TSPO: variants seen among roughly 807,000 people sequenced by gnomAD.
TSPO encodes the protein translocator protein.
Under a neutral mutation model 13.9 loss-of-function variants are expected in TSPO, and 14 were observed. The ratio of observed to expected loss-of-function variants is 1.01; its 90% CI spans 0.67 to 1.58. TSPO has a LOEUF of 1.58. Ranked by LOEUF, TSPO falls within the 40% of genes most tolerant of loss-of-function variation. The pLI, the probability that TSPO is intolerant of heterozygous loss-of-function variation, is 0.00. For missense variants in TSPO, 232 were observed against 229.6 expected (o/e 1.01, Z -0.07); for synonymous variants, 114 against 105.9 (o/e 1.08, Z -0.47).
At chr22:43,155,988 T>G (rs952831033) in intron 1 of TSPO, among the ~76,000 whole-genome samples, 1 of 152,218 alleles carries the variant, frequency 6.6e-6, no homozygotes, top group Admixed American at 6.5e-5. Context: ...ATTCAGGAGC[T>G]GGGCAGTTCC....
At chr22:43,153,952 C>T (rs1192835048) in intron 1 of TSPO, among the ~76,000 whole-genome samples, 5 of 152,008 alleles carry the variant, frequency 3.3e-5, no homozygotes, top group Admixed American at 6.6e-5. Flanking sequence ...CCATGTCGGC[C>T]AGGCTGTTTC....
In TSPO at chr22:43,159,347, C is replaced by G. The variant is rs1440528631; in HGVS notation, c.109C>G (p.Leu37Val). Residue 37 changes from leucine to valine, a missense_variant, in exon 2 of 4, where the codon CTG becomes GTG. By Grantham distance (32) the Leu-to-Val change is conservative. Transcript: ENST00000337554. The stretch of plus-strand genomic sequence containing the variant: ...CGAGGGTCTCCGCTGGTACGCCGGC[C>G]TGCAGAAGCCCTCGTGGCACCCGCC... The part of the protein sequence containing the change: ...HGEGLRWYAG[L>V]QKPSWHPPHW... 1 of 1,547,458 alleles carries G rather than the reference C, an allele frequency of 6.5e-7. No homozygotes were observed. Among genetic ancestry groups the G allele is most frequent in the South Asian group, 1.2e-5 (1 of 83,852 alleles).
chr22:43,161,599 T>C (rs1258271811), intron 3 of TSPO, among the ~76,000 whole-genome samples: 1 of 152,026 alleles, frequency 6.6e-6, no homozygotes, highest in Non-Finnish European at 1.5e-5. Context: ...GTGATTCCCT[T>C]GCCTCAGCCT....
rs1006815464 is a variant in TSPO, at chr22:43,162,931, C to T, written c.450C>T (p.Leu150=). 7 of 1,599,000 alleles carry T rather than the reference C, an allele frequency of 4.4e-6. No individual in the cohort carries two copies. Among genetic ancestry groups the T allele is most frequent in the Non-Finnish European group, 6.0e-6 (7 of 1,173,112 alleles). Residue 150 remains leucine (L), a synonymous_variant, in exon 4 of 4, where the codon CTC becomes CTT. Transcript: ENST00000337554. The part of the protein sequence containing the change: ...YLAWLAFTTT[L]NYCVWRDNHG... ...CCTGGCTGGCCTTCACGACCACACT[C>T]AACTACTGCGTATGGCGGGACAACC... is the stretch of plus-strand genomic sequence containing the variant.
chr22:43,156,019 C>T (rs1293683519), intron 1 of TSPO, among the ~76,000 whole-genome samples: 1 of 152,228 alleles, frequency 6.6e-6, no homozygotes, highest in Admixed American at 6.5e-5. Context: ...TAGGAAACTC[C>T]CCGCCCCCGA....
At position 43,163,029 on chromosome 22, in the gene TSPO, G is replaced by A. The variant is rs1359390638; in HGVS notation, c.*38G>A. 3.8e-6 allele frequency: 6 copies of A among 1,573,848 alleles called. No individual in the cohort carries two copies. Among genetic ancestry groups the A allele is most frequent in the Non-Finnish European group, 5.2e-6 (6 of 1,160,098 alleles). ...CCAGGGACTGCAGCTGCACCAGCAG[G>A]TGCCATCACGCTTGTGATGTGGTGG... On this transcript the variant is annotated 3_prime_UTR_variant, in exon 4 of 4. Transcript: ENST00000337554.
At chr22:43,159,505 G>A (rs1931365161) in intron 2 of TSPO, 85 bp downstream of exon 2, 8 of 1,307,886 alleles carry the variant, frequency 6.1e-6, no homozygotes, top group South Asian at 1.8e-5. Context: ...TTCTCCAGGC[G>A]GGCCATGGAC....
chr22:43,156,064 G>C (rs1163334287), intron 1 of TSPO, among the ~76,000 whole-genome samples: 1 of 152,254 alleles, frequency 6.6e-6, no homozygotes, highest in Non-Finnish European at 1.5e-5. Flanking sequence ...CTGACCGCCT[G>C]TTTTCTGGTG....
chr22:43,159,885 T>G lies in TSPO; in HGVS notation c.182+465T>G, dbSNP rs9333337. On this transcript the variant is annotated intron_variant, in intron 2 of 3. Transcript: ENST00000337554. ...CCCCCCACAGCCCCTTCAGGCTCAG[T>G]CTGGCCTGAGTCCCCTGGGAATAGA... Among the ~76,000 whole-genome samples the G allele has an allele frequency of 8.8e-3, 1,346 of 152,196 alleles. 16 individuals carry two copies. Among genetic ancestry groups the G allele is most frequent in the Middle Eastern group, 0.037 (11 of 294 alleles).
intron 1 of TSPO, among the ~76,000 whole-genome samples, chr22:43,155,228 C>T (rs6003079): frequency 6.6e-6 from 1 of 152,126 alleles, no homozygotes; most frequent in Non-Finnish European, 1.5e-5. Context: ...CCATGGAGGC[C>T]GAGTGGGCCG....
intron 1 of TSPO, among the ~76,000 whole-genome samples, chr22:43,158,473 C>G (rs771074121): frequency 2.0e-4 from 30 of 152,036 alleles, no homozygotes; most frequent in Non-Finnish European, 3.8e-4. Context: ...GGAGCTTAGC[C>G]CTTTGTTTTT....
chr22:43,161,190 GGTAA>G lies in TSPO; in HGVS notation c.321+3_321+6del. On this transcript the variant is annotated splice_donor_variant and splice_donor_region_variant and intron_variant, in intron 3 of 3. Transcript: ENST00000337554. LOFTEE classifies it high-confidence loss of function. ...TCTTTGGTGCCCGACAAATGGGCTG[GGTAA>G]GTGTGGCCACAGCATGTGTCCCTGA... The G allele has an allele frequency of 6.2e-7, 1 of 1,611,358 alleles. No homozygotes were observed. Among genetic ancestry groups the G allele is most frequent in the Non-Finnish European group, 8.5e-7 (1 of 1,178,298 alleles).
chr22:43,161,093 C>G lies in TSPO; in HGVS notation c.224C>G (p.Thr75Arg). The G allele has an allele frequency of 6.2e-7, 1 of 1,614,152 alleles. No individual in the cohort carries two copies. The highest frequency in any genetic ancestry group is 8.5e-7 in the Non-Finnish European group (1 of 1,179,994). Residue 75 changes from threonine (T) to arginine (R), a missense_variant, in exon 3 of 4, where the codon ACA becomes AGA. Thr to Arg is a moderately conservative substitution (Grantham distance 71). Transcript: ENST00000337554. The stretch of plus-strand genomic sequence containing the variant: ...GTCTGGAAAGAGCTGGGAGGCTTCA[C>G]AGAGAAGGCTGTGGTTCCCCTGGGC... Reference protein sequence around the residue: ...YLVWKELGGFTEKAVVPLGLY... With the variant: ...YLVWKELGGFREKAVVPLGLY...
At position 43,162,984 on chromosome 22, in the gene TSPO, CAG is replaced by C; in HGVS notation, c.506_507del (p.Glu169ValfsTer28). ...GGCTGGCGTGGGGGACGGCGGCTGC[CAG>C]AGTGAGTGCCCGGCCCACCAGGGAC... On this transcript the variant is annotated frameshift_variant, in exon 4 of 4. Coordinates refer to ENST00000337554, the MANE Select transcript of TSPO (RefSeq NM_000714.6). LOFTEE classifies it high-confidence loss of function. 6.3e-7 allele frequency: 1 copy of C among 1,582,574 alleles called. No individual in the cohort carries two copies. Among genetic ancestry groups the C allele is most frequent in the Middle Eastern group, 1.7e-4 (1 of 6,020 alleles).
At chr22:43,159,545 C>T in intron 2 of TSPO, 125 bp downstream of exon 2, 1 of 1,080,134 alleles carries the variant, frequency 9.3e-7, no homozygotes, top group Non-Finnish European at 1.2e-6. Context: ...CCCCATTTGG[C>T]AAGCCAGGGT....
rs1299796567 is a variant in TSPO, at chr22:43,153,512, C to T, written c.-30+1908C>T. Among the ~76,000 whole-genome samples, 4 of 79,408 alleles carry T rather than the reference C, an allele frequency of 5.0e-5. 1 individual carries two copies. The highest frequency in any genetic ancestry group is 1.3e-4 in the Admixed American group (1 of 7,800). 52.1% of individuals were successfully genotyped at this position (79,408 alleles called of 152,430 possible). A position where few individuals can be genotyped will look rare whatever the true frequency, so the allele number is the denominator to read the frequency against. Reference sequence around the variant, plus strand: ...GACTACAGGCGCCTGCCACCGCGCCCGGCTAATTTTTTGTATTTTTAGTAG... The same window carrying T: ...GACTACAGGCGCCTGCCACCGCGCCTGGCTAATTTTTTGTATTTTTAGTAG... On this transcript the variant is annotated intron_variant, in intron 1 of 3. Transcript: ENST00000337554.
chr22:43,162,411 T>C (rs1931470758), intron 3 of TSPO, among the ~76,000 whole-genome samples: 1 of 152,218 alleles, frequency 6.6e-6, no homozygotes, highest in South Asian at 2.1e-4. Context: ...CGTGAGCCAC[T>C]GCACCTGACA....
rs184325284 is a variant in TSPO at position 43,154,251 on chromosome 22, C to G, written c.-30+2647C>G. ...GACAGTGCTGGCTTCGTTGGAGAGA[C>G]AAGGCTCAGGGGAGTGGGTGCAGCT... is the stretch of plus-strand genomic sequence containing the variant. On this transcript the variant is annotated intron_variant, in intron 1 of 3. Coordinates refer to ENST00000337554, the MANE Select transcript of TSPO (RefSeq NM_000714.6). 4.4e-3 allele frequency among the ~76,000 whole-genome samples: 669 copies of G among 152,098 alleles called. 6 individuals carry two copies. The highest frequency in any genetic ancestry group is 0.015 in the African/African-American group (637 of 41,484).
At chr22:43,160,354 G>C (rs1931396384) in intron 2 of TSPO, among the ~76,000 whole-genome samples, 1 of 152,190 alleles carries the variant, frequency 6.6e-6, no homozygotes, top group South Asian at 2.1e-4. Flanking sequence ...GGCCCTGGCT[G>C]ACCAGACTTT....
Sources: gnomAD v4.1 joint callset for allele counts (sites outside exome capture counted in the v4.1 genomes callset) on GRCh38, gnomAD v4.1.1 for gene constraint, MANE v1.5 for transcripts, NCBI Gene and HGNC (gene_info 2026-07-23, HGNC 2026-07-21) for gene names.